FRMD4B: variants seen among roughly 807,000 people sequenced by gnomAD.
FRMD4B encodes FERM domain containing 4B, also known as FERM domain-containing protein 4B.
In FRMD4B, 74 loss-of-function variants were observed where a neutral mutation model predicts 141.5. The ratio of observed to expected loss-of-function variants is 0.52; its 90% CI spans 0.43 to 0.63. The LOEUF (loss-of-function observed/expected upper bound fraction) is 0.63. Ranked by LOEUF, FRMD4B falls within the 30% of genes least tolerant of loss-of-function variation. The pLI is 0.00. For missense variants in FRMD4B, 1,366 were observed against 1,253.4 expected (o/e 1.09, Z -1.36); for synonymous variants, 506 against 467.9 (o/e 1.08, Z -1.05).
At chr3:69,409,977 C>T (rs1371246502) in intron 2 of FRMD4B, among the ~76,000 whole-genome samples, 1 of 152,142 alleles carries the variant, frequency 6.6e-6, no homozygotes, top group Non-Finnish European at 1.5e-5. Context: ...TGGGGTTTCT[C>T]CTGGTCATAT....
chr3:69,500,870 C>T (rs1053745103), intron 1 of FRMD4B, among the ~76,000 whole-genome samples: 1 of 152,034 alleles, frequency 6.6e-6, no homozygotes, highest in African/African-American at 2.4e-5. Flanking sequence ...ATAAAGAATC[C>T]CCAGGACAAG....
chr3:69,278,316 T>C (rs1285325571), intron 5 of FRMD4B, among the ~76,000 whole-genome samples: 1 of 152,228 alleles, frequency 6.6e-6, no homozygotes, highest in Non-Finnish European at 1.5e-5. Flanking sequence ...TTTTTCTTTT[T>C]AGAGGCAGGT....
At chr3:69,460,125 CAT>C (rs1705687379) in intron 1 of FRMD4B, among the ~76,000 whole-genome samples, 1 of 152,180 alleles carries the variant, frequency 6.6e-6, no homozygotes, top group Admixed American at 6.5e-5. Flanking sequence ...TTCCATCACA[CAT>C]GTCTATCAAA....
At chr3:69,375,270 C>A (rs1703942125) in intron 1 of FRMD4B, among the ~76,000 whole-genome samples, 2 of 142,008 alleles carry the variant, frequency 1.4e-5, no homozygotes, top group South Asian at 4.8e-4. Context: ...CCATCCCATC[C>A]ATCCATCCAT....
chr3:69,426,516 C>T (rs1443425987), intron 2 of FRMD4B, among the ~76,000 whole-genome samples: 2 of 152,094 alleles, frequency 1.3e-5, no homozygotes, highest in Non-Finnish European at 2.9e-5. Flanking sequence ...TTGTGAGACC[C>T]GTTCTGAGTT....
At chr3:69,396,471 C>T (rs1337553477) in intron 2 of FRMD4B, among the ~76,000 whole-genome samples, 1 of 151,260 alleles carries the variant, frequency 6.6e-6, no homozygotes, top group East Asian at 1.9e-4. Flanking sequence ...CATCACTGCA[C>T]TTTAGCCTGG....
At chr3:69,471,805 G>C (rs9310157) in intron 1 of FRMD4B, 1 of 155,308 alleles carries the variant, frequency 6.4e-6, no homozygotes, top group Admixed American at 6.5e-5. Flanking sequence ...TGTTCAGTGC[G>C]TTTTCAAAAA....
chr3:69,305,745 C>T (rs994981968), intron 3 of FRMD4B, among the ~76,000 whole-genome samples: 2 of 152,100 alleles, frequency 1.3e-5, no homozygotes, highest in Non-Finnish European at 2.9e-5. Flanking sequence ...CAGAGAGAGA[C>T]CCTGTCTCTG....
At chr3:69,204,334 A>G (rs2107681845) in intron 11 of FRMD4B, among the ~76,000 whole-genome samples, 1 of 152,298 alleles carries the variant, frequency 6.6e-6, no homozygotes, top group East Asian at 1.9e-4. Flanking sequence ...AAGGCTTCAC[A>G]ATAGGCCAGG....
In FRMD4B at chr3:69,181,355, G is replaced by A; in HGVS notation, c.2395C>T (p.Pro799Ser). The change falls in exon 21 of 23, where the codon CCA becomes TCA. Residue 799 changes from proline (P) to serine (S), a missense_variant. Transcript: ENST00000398540. ...GCAATGTAGTAACTGGAAGACGGTG[G>A]CTCCTGACTCTTTGAGTAAACACCA... The part of the protein sequence containing the change: ...RNGVYSKSQE[P>S]PSSSYYIAGY... The A allele has an allele frequency of 6.2e-7, 1 of 1,613,788 alleles. No individual in the cohort carries two copies. The highest frequency in any genetic ancestry group is 1.1e-5 in the South Asian group (1 of 91,076).
intron 7 of FRMD4B, among the ~76,000 whole-genome samples, chr3:69,231,907 G>A (rs1035280574): frequency 4.6e-5 from 7 of 152,214 alleles, no homozygotes; most frequent in African/African-American, 1.4e-4. Context: ...GTAGCTGAGT[G>A]CTCATTTGTT....
At chr3:69,319,990 C>T (rs774489117) in intron 1 of FRMD4B, among the ~76,000 whole-genome samples, 7 of 152,108 alleles carry the variant, frequency 4.6e-5, no homozygotes, top group African/African-American at 9.7e-5. Context: ...GTTAGAACTG[C>T]GGAATTTATA....
At chr3:69,316,705 A>C (rs1489716152) in intron 1 of FRMD4B, among the ~76,000 whole-genome samples, 1 of 152,212 alleles carries the variant, frequency 6.6e-6, no homozygotes, top group Non-Finnish European at 1.5e-5. Context: ...CCCTACAGAA[A>C]GATATAAAAA....
Position 69,475,470 on chromosome 3 carries a change from T to C in FRMD4B, c.-128-42709A>G, listed in dbSNP as rs200580611. On this transcript the variant is annotated intron_variant, in intron 1 of 5. Transcript: ENST00000459638. ...GAATATGTGGTGTTTGGTTTTTTGT[T>C]CTTACGATAGTTTACTGAGAATGAT... Among the ~76,000 whole-genome samples, 11 of 151,978 alleles carry C rather than the reference T, an allele frequency of 7.2e-5. No homozygotes were observed. In the East Asian group the frequency reaches 1.7e-3, roughly 24 times the overall value.
chr3:69,270,219 T>C (rs17005586), intron 5 of FRMD4B, among the ~76,000 whole-genome samples: 5,329 of 152,258 alleles, frequency 0.035, 152 homozygotes, highest in East Asian at 0.1. Context: ...CTTGCAAAGG[T>C]TCCCCAAAAT....
intron 1 of FRMD4B, among the ~76,000 whole-genome samples, chr3:69,520,528 A>G (rs1010727286): frequency 3.3e-5 from 5 of 151,314 alleles, no homozygotes; most frequent in Non-Finnish European, 7.4e-5. Context: ...CAGCTATACC[A>G]CAGGTCTCTC....
chr3:69,418,521 C>T (rs767612965), intron 2 of FRMD4B, among the ~76,000 whole-genome samples: 7 of 152,204 alleles, frequency 4.6e-5, no homozygotes, highest in Non-Finnish European at 8.8e-5. Context: ...CACAATGACT[C>T]CATCTTAGCA....
chr3:69,216,806 T>C (rs1053649071), intron 10 of FRMD4B, among the ~76,000 whole-genome samples: 2 of 152,174 alleles, frequency 1.3e-5, no homozygotes, highest in African/African-American at 4.8e-5. Flanking sequence ...ACCTAACTTG[T>C]TATTAAAACA....
In FRMD4B at chr3:69,386,075, C is replaced by A; in HGVS notation, c.-86G>T. 1 of 1,246,736 alleles carries A rather than the reference C, an allele frequency of 8.0e-7. No individual in the cohort carries two copies. The highest frequency in any genetic ancestry group is 1.1e-6 in the Non-Finnish European group (1 of 938,966). 77.2% of individuals were successfully genotyped at this position (1,246,736 alleles called of 1,614,324 possible). A position where few individuals can be genotyped will look rare whatever the true frequency, so the allele number is the denominator to read the frequency against. On this transcript the variant is annotated 5_prime_UTR_variant, in exon 1 of 23. Coordinates refer to ENST00000398540, the MANE Select transcript of FRMD4B (RefSeq NM_015123.3). ...GCGGCCTGCCCGCCTGGGCTCCCGA[C>A]GCCGGCTTCTGCTGGCAGCCGGGGG...
Sources: gnomAD v4.1 joint callset for allele counts (sites outside exome capture counted in the v4.1 genomes callset) on GRCh38, gnomAD v4.1.1 for gene constraint, MANE v1.5 for transcripts, NCBI Gene and HGNC (gene_info 2026-07-23, HGNC 2026-07-21) for gene names.